The following IAH1 variants were observed in gnomAD, a reference collection of about 807,000 sequenced individuals.
IAH1 encodes isoamyl acetate-hydrolyzing esterase 1 homolog.
Under a neutral mutation model 26.7 loss-of-function variants are expected in IAH1, and 24 were observed. That is an observed-to-expected ratio of 0.90 (90% CI 0.65 to 1.26). The LOEUF is 1.26. Among genes scored for constraint, IAH1 ranks in the 50% most tolerant of loss-of-function variants. The pLI is 0.00. For missense variants in IAH1, 300 were observed against 299.9 expected, an observed-to-expected ratio of 1.00 and a Z score of 0.00; for synonymous variants, 140 against 118.5, an observed-to-expected ratio of 1.18 and a Z score of -1.18.
chr2:9,495,209 G>A (rs1662481384), intron 6 of IAH1, among the ~76,000 whole-genome samples: 1 of 152,186 alleles, frequency 6.6e-6, no homozygotes, highest in Non-Finnish European at 1.5e-5. Flanking sequence ...CCACCCTTGG[G>A]TGGGGAGCTC....
chr2:9,510,817 G>A, the IAH1 span, among the ~76,000 whole-genome samples: 3 of 152,122 alleles, frequency 2.0e-5, no homozygotes, highest in African/African-American at 7.2e-5. Flanking sequence ...GGGTGACAGA[G>A]TAAGACTTTG....
At chr2:9,475,163 C>T in intron 1 of IAH1, 1 of 1,287,892 alleles carries the variant, frequency 7.8e-7, no homozygotes, top group African/African-American at 1.5e-5. Flanking sequence ...AAAGGACCAT[C>T]CGTTCATCCA....
the IAH1 span, chr2:9,505,293 G>A: frequency 8.1e-6 from 13 of 1,613,928 alleles, no homozygotes; most frequent in Non-Finnish European, 1.0e-5. Context: ...TTATTGCTGC[G>A]TTCTTGAAAA....
At position 9,474,926 on chromosome 2, in the gene IAH1, C is replaced by A; in HGVS notation, c.81+279C>A. On this transcript the variant is annotated intron_variant, in intron 1 of 5. Coordinates refer to ENST00000497473, the MANE Select transcript of IAH1 (RefSeq NM_001039613.3). The surrounding 1 kb of genome is among the most constrained non-coding windows in gnomAD (Gnocchi z 4.3). Reference sequence around the variant, plus strand: ...GCTGCCCGCCCCGCGCCGCCTCCCACCCGGGTCGAGATGCGCGGTCTTCCC... The same window carrying A: ...GCTGCCCGCCCCGCGCCGCCTCCCAACCGGGTCGAGATGCGCGGTCTTCCC... The A allele has an allele frequency of 1.2e-6, 1 of 824,244 alleles. No individual in the cohort carries two copies. Among genetic ancestry groups the A allele is most frequent in the Non-Finnish European group, 1.5e-6 (1 of 649,436 alleles). 51.1% of individuals were successfully genotyped at this position (824,244 alleles called of 1,614,324 possible).
At chr2:9,493,010 A>T, downstream of IAH1, 1 of 1,573,598 alleles carries the variant, frequency 6.4e-7, no homozygotes, top group Non-Finnish European at 8.7e-7. Context: ...CAAACAGTTA[A>T]TGTCTTGACC....
chr2:9,478,060 C>CT (rs1464855610), intron 2 of IAH1, among the ~76,000 whole-genome samples, 162 bp from the exon 3 acceptor site: 1 of 152,166 alleles, frequency 6.6e-6, no homozygotes, highest in Non-Finnish European at 1.5e-5. Flanking sequence ...GATTAGCATG[C>CT]TTCAGCTATG....
downstream of IAH1, among the ~76,000 whole-genome samples, chr2:9,499,904 A>C (rs774450630): frequency 6.6e-6 from 1 of 152,250 alleles, no homozygotes; most frequent in African/African-American, 2.4e-5. Flanking sequence ...AATAAAAAAG[A>C]TAACAAGTGT....
chr2:9,487,840 G>GCGCGCA (rs1553354413), intron 5 of IAH1, among the ~76,000 whole-genome samples: 16 of 63,528 alleles, frequency 2.5e-4, no homozygotes, highest in African/African-American at 5.5e-4. Context: ...GTGTGCGCGC[G>GCGCGCA]CGCGCGCGCG....
rs1682376252 is a variant in IAH1 at position 9,474,751 on chromosome 2, G to T, written c.81+104G>T. On this transcript the variant is annotated intron_variant, in intron 1 of 5. Transcript: ENST00000497473. The surrounding 1 kb of genome is among the most constrained non-coding windows in gnomAD (Gnocchi z 4.3). The stretch of plus-strand genomic sequence containing the variant: ...GTCCTCTTCGGCGCCCGAGACGGCT[G>T]GGCCGGAGGCCTGGCCACGCCCGTG... 1.1e-6 allele frequency: 1 copy of T among 886,100 alleles called. No homozygotes were observed. Among genetic ancestry groups the T allele is most frequent in the South Asian group, 1.8e-5 (1 of 54,862 alleles). 54.9% of individuals were successfully genotyped at this position (886,100 alleles called of 1,614,324 possible).
chr2:9,496,976 T>A (rs1301323757), downstream of IAH1: 1 of 1,318,280 alleles, frequency 7.6e-7, no homozygotes, highest in Non-Finnish European at 1.0e-6. Context: ...GACACCACCC[T>A]GCCCTTCCCC....
chr2:9,493,784 A>T, downstream of IAH1: 1 of 1,614,086 alleles, frequency 6.2e-7, no homozygotes, highest in South Asian at 1.1e-5. Flanking sequence ...TGAAATCCCA[A>T]AATCGTTCAA....
chr2:9,491,543 G>T (rs527982496), downstream of IAH1, among the ~76,000 whole-genome samples: 2 of 152,192 alleles, frequency 1.3e-5, no homozygotes, highest in African/African-American at 4.8e-5. Context: ...GGAAGACCCA[G>T]GTGGCTGGGC....
At chr2:9,503,872 G>A in the IAH1 span, among the ~76,000 whole-genome samples, 5 of 151,596 alleles carry the variant, frequency 3.3e-5, no homozygotes, top group South Asian at 8.3e-4. Flanking sequence ...GATTATTTGG[G>A]CCAGGCATGG....
At chr2:9,500,132 G>C (rs1662912996), downstream of IAH1, among the ~76,000 whole-genome samples, 1 of 152,160 alleles carries the variant, frequency 6.6e-6, no homozygotes, top group Non-Finnish European at 1.5e-5. Flanking sequence ...TAGCAAAAAA[G>C]TGGAAGCAAC....
the IAH1 span, among the ~76,000 whole-genome samples, chr2:9,511,228 C>T: frequency 6.6e-6 from 1 of 152,098 alleles, no homozygotes; most frequent in Non-Finnish European, 1.5e-5. Flanking sequence ...GTGGGTTGAT[C>T]GCCTGAGGTC....
intron 2 of IAH1, among the ~76,000 whole-genome samples, chr2:9,478,007 C>T (rs185182489): frequency 5.5e-4 from 83 of 152,200 alleles, no homozygotes; most frequent in African/African-American, 1.8e-3. Context: ...ACTTCTCTCA[C>T]GGAGGAGTAT....
rs1431024163 is a variant in IAH1, at chr2:9,489,010, AAAGT to A, written c.*685_*688del. On this transcript the variant is annotated 3_prime_UTR_variant, in exon 6 of 6. Transcript: ENST00000497473. ...AGCCCATCCAGAATCCTGGAGCAAT[AAAGT>A]AAGAAGTAATTCAAATATCTGCTTG... 3 of 152,206 alleles carry A rather than the reference AAAGT, an allele frequency of 2.0e-5. No individual in the cohort carries two copies. Among genetic ancestry groups the A allele is most frequent in the South Asian group, 4.1e-4 (2 of 4,834 alleles). 9.4% of individuals were successfully genotyped at this position (152,206 alleles called of 1,614,324 possible).
rs1289741043 is a variant in IAH1 at position 9,489,494 on chromosome 2, A to T, written c.*1165A>T. 4.6e-5 allele frequency: 7 copies of T among 152,356 alleles called. No homozygotes were observed. Among genetic ancestry groups the T allele is most frequent in the African/African-American group, 1.7e-4 (7 of 41,350 alleles). 9.4% of individuals were successfully genotyped at this position (152,356 alleles called of 1,614,324 possible). Reference sequence around the variant, plus strand: ...AATCAGGGCCCTAAACAGTTGGTAGATTCCATAAATTCAACTGGCTACCAT... The same window carrying T: ...AATCAGGGCCCTAAACAGTTGGTAGTTTCCATAAATTCAACTGGCTACCAT... On this transcript the variant is annotated 3_prime_UTR_variant, in exon 6 of 6. Coordinates refer to ENST00000497473, the MANE Select transcript of IAH1 (RefSeq NM_001039613.3).
At chr2:9,503,997 A>T in the IAH1 span, among the ~76,000 whole-genome samples, 8 of 152,022 alleles carry the variant, frequency 5.3e-5, no homozygotes, top group Non-Finnish European at 1.2e-4. Flanking sequence ...TATAAAAAAT[A>T]CAAAAAAAAT....
Sources: allele counts gnomAD v4.1 joint callset (sites outside exome capture counted in the v4.1 genomes callset), GRCh38; gene constraint gnomAD v4.1.1; non-coding constraint Gnocchi (gnomAD v3.1); transcripts MANE v1.5; gene names NCBI Gene and HGNC (gene_info 2026-07-23, HGNC 2026-07-21).